The following ADAM18 variants were observed in gnomAD, a reference collection of about 807,000 sequenced individuals.
The protein encoded by ADAM18 is ADAM metallopeptidase domain 18.
A neutral mutation model predicts 94.4 loss-of-function variants in ADAM18; 117 were observed. The ratio of observed to expected loss-of-function variants is 1.24; its 90% confidence interval spans 1.07 to 1.45. The LOEUF (loss-of-function observed/expected upper bound fraction) is 1.45, where lower values mean the gene tolerates loss of function less well. Among genes scored for constraint, ADAM18 ranks in the 40% most tolerant of loss-of-function variants. The pLI is 0.00. For missense variants in ADAM18, 936 were observed against 880.0 expected, an observed-to-expected ratio of 1.06 and a Z score of -0.81; for synonymous variants, 327 against 291.6, an observed-to-expected ratio of 1.12 and a Z score of -1.24.
At chr8:39,716,329 G>A (rs1822577408) in intron 18 of ADAM18, among the ~76,000 whole-genome samples, 1 of 151,844 alleles carries the variant, frequency 6.6e-6, no homozygotes, top group Admixed American at 6.6e-5. Context: ...TAAAATGCAA[G>A]TGTTAATCAC....
At chr8:39,657,264 C>T (rs1253837223) in intron 12 of ADAM18, among the ~76,000 whole-genome samples, 1 of 152,078 alleles carries the variant, frequency 6.6e-6, no homozygotes, top group East Asian at 1.9e-4. Flanking sequence ...AAGTCAAGAT[C>T]ACATTTCCTT....
At chr8:39,700,399 C>A (rs1822033230) in intron 17 of ADAM18, among the ~76,000 whole-genome samples, 1 of 151,862 alleles carries the variant, frequency 6.6e-6, no homozygotes, top group Non-Finnish European at 1.5e-5. Context: ...ATGTATGTGA[C>A]AAAGTAAACA....
chr8:39,596,757 C>T (rs1402908062), intron 2 of ADAM18, among the ~76,000 whole-genome samples: 1 of 152,154 alleles, frequency 6.6e-6, no homozygotes, highest in Non-Finnish European at 1.5e-5. Flanking sequence ...CCAGCTTATC[C>T]TCCAAAGCTG....
At position 39,651,803 on chromosome 8, in the gene ADAM18, T is replaced by C. The variant is rs571699910; in HGVS notation, c.1230+3276T>C. 4.6e-5 allele frequency among the ~76,000 whole-genome samples: 7 copies of C among 152,250 alleles called. No individual in the cohort carries two copies. The East Asian group carries it at 1.4e-3, about 29-fold the overall frequency. ...TAAGACCTTAAAACCCAAGCAATTCTGAGTGAAAAGAGCAAAGTTGGAGGC... is the reference window on the plus strand; with the variant it reads ...TAAGACCTTAAAACCCAAGCAATTCCGAGTGAAAAGAGCAAAGTTGGAGGC... On this transcript the variant is annotated intron_variant, in intron 12 of 19. Coordinates refer to ENST00000265707, the MANE Select transcript of ADAM18 (RefSeq NM_014237.3).
At chr8:39,586,368 T>G (rs984105984) in intron 2 of ADAM18, among the ~76,000 whole-genome samples, 6 of 152,216 alleles carry the variant, frequency 3.9e-5, no homozygotes, top group African/African-American at 1.2e-4. Context: ...ATCAAATCTG[T>G]GTTAGCATGT....
chr8:39,627,782 C>A lies in ADAM18; in HGVS notation c.523-1592C>A, dbSNP rs1160429021. On this transcript the variant is annotated intron_variant, in intron 6 of 19. Coordinates refer to ENST00000265707, the MANE Select transcript of ADAM18 (RefSeq NM_014237.3). ...GATTGTCACAAAGATACTTTGTATT[C>A]TTCATTGTGTTACTGTTTTATAGGT... Among the ~76,000 whole-genome samples the A allele has an allele frequency of 2.0e-5, 3 of 152,080 alleles. No individual in the cohort carries two copies. In the East Asian group the frequency reaches 5.8e-4, roughly 29 times the overall value.
At chr8:39,704,473 A>C (rs1775952072) in intron 17 of ADAM18, among the ~76,000 whole-genome samples, 1 of 152,164 alleles carries the variant, frequency 6.6e-6, no homozygotes, top group Admixed American at 6.5e-5. Flanking sequence ...TTATCTCAAA[A>C]GATGCAGAAA....
intron 18 of ADAM18, among the ~76,000 whole-genome samples, chr8:39,708,138 G>C (rs140092247): frequency 2.2e-3 from 332 of 152,284 alleles, no homozygotes; most frequent in Non-Finnish European, 3.5e-3. Context: ...TAAAACTTAT[G>C]AATTGTTGAT....
chr8:39,612,460 A>G (rs1819307617), intron 6 of ADAM18, among the ~76,000 whole-genome samples: 1 of 152,134 alleles, frequency 6.6e-6, no homozygotes, highest in Non-Finnish European at 1.5e-5. Context: ...CATGACCCCC[A>G]CAGACACTTG....
intron 10 of ADAM18, among the ~76,000 whole-genome samples, chr8:39,643,400 T>A (rs1820288563): frequency 6.6e-6 from 1 of 152,114 alleles, no homozygotes; most frequent in Non-Finnish European, 1.5e-5. Context: ...GATGACAACT[T>A]TGCTGTAATT....
intron 13 of ADAM18, among the ~76,000 whole-genome samples, chr8:39,667,495 A>G (rs1035955283): frequency 5.9e-5 from 9 of 151,874 alleles, no homozygotes; most frequent in Admixed American, 3.3e-4. Context: ...AACTTTTTCC[A>G]TTACTCCTGT....
intron 18 of ADAM18, among the ~76,000 whole-genome samples, chr8:39,718,554 T>C (rs1822643995): frequency 6.6e-6 from 1 of 151,370 alleles, no homozygotes; most frequent in Admixed American, 6.6e-5. Context: ...GGGGTGGTAG[T>C]ATGATGGGGT....
chr8:39,607,455 T>C (rs556500411), intron 3 of ADAM18, among the ~76,000 whole-genome samples: 14 of 152,372 alleles, frequency 9.2e-5, no homozygotes, highest in Admixed American at 9.2e-4. Context: ...ACTTAATTCA[T>C]GACTACCCTA....
At chr8:39,707,074 G>A (rs753042662) in intron 18 of ADAM18, among the ~76,000 whole-genome samples, 170 bp downstream of exon 18, 24 of 152,192 alleles carry the variant, frequency 1.6e-4, no homozygotes, top group Non-Finnish European at 3.4e-4. Flanking sequence ...ACTGTAGATA[G>A]CACCAAGCTC....
At chr8:39,714,508 G>A (rs890144995) in intron 18 of ADAM18, among the ~76,000 whole-genome samples, 1 of 152,060 alleles carries the variant, frequency 6.6e-6, no homozygotes, top group African/African-American at 2.4e-5. Context: ...CAAACTCTAT[G>A]TTGTCTACAA....
chr8:39,708,050 G>T (rs547845980), intron 18 of ADAM18, among the ~76,000 whole-genome samples: 1 of 152,270 alleles, frequency 6.6e-6, no homozygotes, highest in South Asian at 2.1e-4. Context: ...CGTTGGACTT[G>T]GGAATGATTC....
chr8:39,642,183 T>C (rs1820255959), intron 10 of ADAM18, among the ~76,000 whole-genome samples: 1 of 152,120 alleles, frequency 6.6e-6, no homozygotes, highest in African/African-American at 2.4e-5. Context: ...AGATGCATAG[T>C]TGGCAAAAAT....
chr8:39,610,981 A>G, intron 6 of ADAM18: 1 of 1,196,322 alleles, frequency 8.4e-7, no homozygotes. Flanking sequence ...CAGAAAGAAC[A>G]GAGTCACTGT....
chr8:39,663,520 A>C (rs138396673), intron 12 of ADAM18, among the ~76,000 whole-genome samples: 80 of 136,306 alleles, frequency 5.9e-4, no homozygotes, highest in Non-Finnish European at 7.9e-4. Flanking sequence ...GATCACTTGG[A>C]TCTCACTGGT....
Sources: gnomAD v4.1 joint callset for allele counts (sites outside exome capture counted in the v4.1 genomes callset) on GRCh38, gnomAD v4.1.1 for gene constraint, MANE v1.5 for transcripts, NCBI Gene and HGNC (gene_info 2026-07-23, HGNC 2026-07-21) for gene names.